The following FANCC variants were observed in gnomAD, a reference collection of about 807,000 sequenced individuals.
The protein encoded by FANCC is FA complementation group C, also known as Fanconi anemia group C protein.
In FANCC, 55 loss-of-function variants were observed where a neutral mutation model predicts 71.3. The ratio of observed to expected loss-of-function variants is 0.77; its 90% CI spans 0.62 to 0.97. FANCC has a LOEUF of 0.97. FANCC is among the 50% of genes least tolerant of loss of function. The pLI, the probability that FANCC is intolerant of heterozygous loss-of-function variation, is 0.00. For missense variants in FANCC, 678 were observed against 670.9 expected, an observed-to-expected ratio of 1.01 and a Z score of -0.12; for synonymous variants, 275 against 244.9, an observed-to-expected ratio of 1.12 and a Z score of -1.15.
intron 10 of FANCC, among the ~76,000 whole-genome samples, chr9:95,120,404 G>C (rs1409317095): frequency 1.3e-5 from 2 of 151,298 alleles, no homozygotes; most frequent in African/African-American, 4.9e-5. Context: ...TGATTACAAT[G>C]GCTTTTAAAA....
At chr9:95,311,809 A>C (rs1835423916) in intron 1 of FANCC, among the ~76,000 whole-genome samples, 1 of 152,054 alleles carries the variant, frequency 6.6e-6, no homozygotes, top group South Asian at 2.1e-4. Flanking sequence ...AGATTCCACT[A>C]AAATAGCTAA....
chr9:95,150,828 C>T (rs1018574999), intron 6 of FANCC, among the ~76,000 whole-genome samples: 2 of 152,206 alleles, frequency 1.3e-5, no homozygotes, highest in African/African-American at 4.8e-5. Context: ...CTGCTGTTCA[C>T]TCTGCCTGAA....
intron 1 of FANCC, among the ~76,000 whole-genome samples, chr9:95,257,374 A>G (rs879446192): frequency 2.4e-4 from 37 of 152,238 alleles, no homozygotes; most frequent in Non-Finnish European, 4.6e-4. Flanking sequence ...AGGATTAAGA[A>G]ACTCACTCAA....
At chr9:95,130,517 C>G (rs1200385769) in intron 8 of FANCC, among the ~76,000 whole-genome samples, 1 of 152,174 alleles carries the variant, frequency 6.6e-6, no homozygotes, top group African/African-American at 2.4e-5. Context: ...AAGGAAATAG[C>G]AGATGACAGA....
At chr9:95,236,883 T>C (rs1157973750) in intron 4 of FANCC, among the ~76,000 whole-genome samples, 2 of 152,218 alleles carry the variant, frequency 1.3e-5, no homozygotes, top group East Asian at 1.9e-4. Context: ...CTTTAACAGA[T>C]ACTATGTCAC....
At chr9:95,250,696 C>T (rs939761266) in intron 1 of FANCC, among the ~76,000 whole-genome samples, 1 of 152,264 alleles carries the variant, frequency 6.6e-6, no homozygotes, top group Non-Finnish European at 1.5e-5. Flanking sequence ...CCTGTCAAGT[C>T]TACCACCAAA....
At chr9:95,168,112 C>A (rs934760117) in intron 6 of FANCC, among the ~76,000 whole-genome samples, 1 of 152,150 alleles carries the variant, frequency 6.6e-6, no homozygotes, top group African/African-American at 2.4e-5. Flanking sequence ...TTCCCCTCCC[C>A]TCTAGTGTCC....
At chr9:95,124,026 C>CT (rs1825542913) in intron 10 of FANCC, among the ~76,000 whole-genome samples, 1 of 143,692 alleles carries the variant, frequency 7.0e-6, no homozygotes, top group African/African-American at 2.6e-5. Context: ...ATCACCTGAG[C>CT]TTGGGGGGTT....
intron 7 of FANCC, among the ~76,000 whole-genome samples, chr9:95,148,140 T>A (rs1007232080): frequency 6.6e-6 from 1 of 152,208 alleles, no homozygotes; most frequent in Non-Finnish European, 1.5e-5. Flanking sequence ...CATTTTCACA[T>A]ATGAATGTCT....
chr9:95,116,613 G>C (rs144356143), intron 11 of FANCC, among the ~76,000 whole-genome samples: 1 of 152,202 alleles, frequency 6.6e-6, no homozygotes, highest in Admixed American at 6.5e-5. Context: ...GGCGCAGTCT[G>C]TGCCCATGTC....
chr9:95,288,815 C>T (rs947083466), intron 1 of FANCC, among the ~76,000 whole-genome samples: 1 of 151,704 alleles, frequency 6.6e-6, no homozygotes, highest in Non-Finnish European at 1.5e-5. Context: ...TCATTTCAGA[C>T]CAGGCTTGGT....
intron 14 of FANCC, among the ~76,000 whole-genome samples, chr9:95,102,128 C>A (rs1280696692): frequency 6.6e-6 from 1 of 152,232 alleles, no homozygotes; most frequent in Non-Finnish European, 1.5e-5. Context: ...AGGCCACAAA[C>A]AAGCGCTGCT....
intron 1 of FANCC, among the ~76,000 whole-genome samples, chr9:95,290,721 G>C (rs1344086097): frequency 6.6e-6 from 1 of 152,146 alleles, no homozygotes; most frequent in Non-Finnish European, 1.5e-5. Flanking sequence ...ATTATAAAAA[G>C]ACAAATTGCT....
chr9:95,292,745 C>T, intron 1 of FANCC: 1 of 1,377,366 alleles, frequency 7.3e-7, no homozygotes, highest in Non-Finnish European at 1.0e-6. Context: ...CAATCGAAGG[C>T]TGCCCCAGAG....
chr9:95,297,652 C>T (rs1834465244), intron 1 of FANCC, among the ~76,000 whole-genome samples: 1 of 152,166 alleles, frequency 6.6e-6, no homozygotes, highest in Non-Finnish European at 1.5e-5. Flanking sequence ...AACATTAAAA[C>T]AACACCAAGC....
intron 4 of FANCC, among the ~76,000 whole-genome samples, chr9:95,225,601 G>A (rs1011171535): frequency 2.0e-5 from 3 of 152,080 alleles, no homozygotes. Context: ...CAGGTCATCC[G>A]GAGAACATCA....
intron 11 of FANCC, among the ~76,000 whole-genome samples, chr9:95,116,658 G>A (rs1238124972): frequency 2.0e-5 from 3 of 152,186 alleles, no homozygotes; most frequent in Non-Finnish European, 4.4e-5. Context: ...GGCCTCAGAG[G>A]GAAAGGATGC....
In FANCC at chr9:95,117,372, T is replaced by A. The variant is rs145497019; in HGVS notation, c.1015A>T (p.Thr339Ser). 1 of 1,613,950 alleles carries A rather than the reference T, an allele frequency of 6.2e-7. No homozygotes were observed. The highest frequency in any genetic ancestry group is 8.5e-7 in the Non-Finnish European group (1 of 1,179,996). ...GATGGAGAAGTGTAAGGAAAGTAGG[T>A]CTTGAGTGCAAACCGCAGCTGCCAC... Reference protein sequence around the residue: ...ASKQLRFALKTYFPYTSPSLA... With the variant: ...ASKQLRFALKSYFPYTSPSLA... The change falls in exon 11 of 15, where the codon ACC (threonine) becomes TCC (serine). Residue 339 changes from threonine (T) to serine (S), a missense_variant. Coordinates refer to ENST00000289081, the MANE Select transcript of FANCC (RefSeq NM_000136.3).
intron 7 of FANCC, among the ~76,000 whole-genome samples, chr9:95,145,837 C>T (rs1829464508): frequency 6.6e-6 from 1 of 152,134 alleles, no homozygotes; most frequent in African/African-American, 2.4e-5. Context: ...CATGCTTTAC[C>T]ACCGGAGAAC....
Sources: allele counts gnomAD v4.1 joint callset (sites outside exome capture counted in the v4.1 genomes callset), GRCh38; gene constraint gnomAD v4.1.1; transcripts MANE v1.5; gene names NCBI Gene and HGNC (gene_info 2026-07-23, HGNC 2026-07-21).